CAMTA1: variants seen among roughly 807,000 people sequenced by gnomAD.
CAMTA1 encodes calmodulin-binding transcription activator 1.
CAMTA1 carries 27 observed loss-of-function variants against 170.9 expected under a neutral mutation model. The ratio of observed to expected loss-of-function variants is 0.16; its 90% CI spans 0.12 to 0.22. The LOEUF (loss-of-function observed/expected upper bound fraction) is 0.22. CAMTA1 is among the 10% of genes least tolerant of loss of function. The pLI is 1.00. For missense variants in CAMTA1, 1,619 were observed against 2,217.2 expected (o/e 0.73, Z 5.42); for synonymous variants, 833 against 891.5 (o/e 0.93, Z 1.17).
chr1:7,294,289 G>T (rs560422370), intron 5 of CAMTA1, among the ~76,000 whole-genome samples: 208 of 152,316 alleles, frequency 1.4e-3, no homozygotes, highest in African/African-American at 4.8e-3. Flanking sequence ...TCAGGACTGG[G>T]GGGCTATGGA....
chr1:7,562,697 G>A lies in CAMTA1; in HGVS notation c.511-77703G>A, dbSNP rs554455473. On this transcript the variant is annotated intron_variant, in intron 6 of 22. Transcript: ENST00000303635. This position sits in a 1 kb window ranked among gnomAD's most constrained non-coding sequence, Gnocchi z 4.8. ...GATGGTTTATCTGACCCCGCAGCTG[G>A]CACGGAGATGCTGGGAGAAGGGTCT... Among the ~76,000 whole-genome samples, 37 of 152,332 alleles carry A rather than the reference G, an allele frequency of 2.4e-4. No individual in the cohort carries two copies. The highest frequency in any genetic ancestry group is 8.9e-4 in the African/African-American group (37 of 41,578).
intron 3 of CAMTA1, among the ~76,000 whole-genome samples, chr1:6,957,483 T>A (rs1442854430): frequency 6.6e-6 from 1 of 151,802 alleles, no homozygotes; most frequent in Non-Finnish European, 1.5e-5. Context: ...TGGGAGATAA[T>A]CCGTTGCATT....
Position 6,887,232 on chromosome 1 carries a change from T to TA in CAMTA1, c.234+62029dup, listed in dbSNP as rs528818148. Among the ~76,000 whole-genome samples, 54 of 152,196 alleles carry TA rather than the reference T, an allele frequency of 3.5e-4. No individual in the cohort carries two copies. The highest frequency in any genetic ancestry group is 6.0e-4 in the Non-Finnish European group (41 of 68,028). ...TAGTTTGCTGAATATGCATAGTAAG[T>TA]AAAAAAATTCTTCCAAAATTAGTGT... On this transcript the variant is annotated intron_variant, in intron 3 of 22. Transcript: ENST00000303635. The surrounding 1 kb of genome is among the most constrained non-coding windows in gnomAD (Gnocchi z 4.1).
At chr1:6,826,833 G>A (rs2148519793) in intron 3 of CAMTA1, among the ~76,000 whole-genome samples, 1 of 152,314 alleles carries the variant, frequency 6.6e-6, no homozygotes, top group Middle Eastern at 3.4e-3. Context: ...TTATAAAGCT[G>A]GATGTAGCAG....
chr1:7,357,654 C>T (rs898133805), intron 5 of CAMTA1, among the ~76,000 whole-genome samples: 1 of 150,466 alleles, frequency 6.6e-6, no homozygotes, highest in African/African-American at 2.5e-5. Flanking sequence ...CCTGGAAAGC[C>T]ATAGAAGAGT....
chr1:7,277,315 C>T (rs1422141039), intron 5 of CAMTA1, among the ~76,000 whole-genome samples: 1 of 152,168 alleles, frequency 6.6e-6, no homozygotes, highest in Non-Finnish European at 1.5e-5. Flanking sequence ...AATTTCAATA[C>T]TTAATCTAAA....
chr1:7,418,409 G>A (rs572488175), intron 5 of CAMTA1, among the ~76,000 whole-genome samples: 3 of 152,256 alleles, frequency 2.0e-5, no homozygotes, highest in Admixed American at 1.3e-4. Flanking sequence ...ATGTTGCCCA[G>A]GCTTGTCTTG....
At chr1:6,877,126 A>C (rs1220883719) in intron 3 of CAMTA1, among the ~76,000 whole-genome samples, 3 of 152,168 alleles carry the variant, frequency 2.0e-5, no homozygotes, top group Non-Finnish European at 4.4e-5. Flanking sequence ...ATGTGACCGC[A>C]TAGCTGCTGC....
At chr1:6,924,317 A>ATCAGGCCAGCTGGGAGGGGG (rs200682529) in intron 3 of CAMTA1, among the ~76,000 whole-genome samples, 2 of 151,256 alleles carry the variant, frequency 1.3e-5, no homozygotes, top group East Asian at 2.0e-4. Flanking sequence ...CTGGGAGGGG[A>ATCAGGCCAGCTGGGAGGGGG]TCAGGCCAGC....
At chr1:7,178,313 AG>A (rs950174492) in intron 4 of CAMTA1, among the ~76,000 whole-genome samples, 2 of 152,170 alleles carry the variant, frequency 1.3e-5, no homozygotes, top group African/African-American at 4.8e-5. Context: ...GTTTGTCAAC[AG>A]TTATCCCCCG....
chr1:7,148,842 T>C (rs943617667), intron 4 of CAMTA1, among the ~76,000 whole-genome samples: 6 of 152,228 alleles, frequency 3.9e-5, no homozygotes, highest in East Asian at 1.9e-4. Context: ...TGCCTCACCA[T>C]TGGGCTGTCT....
chr1:6,966,253 C>A (rs368670485), intron 3 of CAMTA1, among the ~76,000 whole-genome samples: 1 of 152,238 alleles, frequency 6.6e-6, no homozygotes, highest in African/African-American at 2.4e-5. Flanking sequence ...TTAGTATATT[C>A]ACAAAAACGT....
At chr1:6,817,203 A>C (rs1191260889) in intron 1 of CAMTA1, among the ~76,000 whole-genome samples, 1 of 152,176 alleles carries the variant, frequency 6.6e-6, no homozygotes, top group Non-Finnish European at 1.5e-5. Context: ...CACTGAACCA[A>C]AGTGATTTTT....
chr1:7,601,565 G>A (rs1301820599), intron 6 of CAMTA1, among the ~76,000 whole-genome samples: 10 of 152,346 alleles, frequency 6.6e-5, no homozygotes, highest in East Asian at 5.8e-4. Context: ...CTGCAATCTC[G>A]GCACTTTGGG....
intron 3 of CAMTA1, among the ~76,000 whole-genome samples, chr1:6,879,826 T>C (rs1671000533): frequency 6.7e-6 from 1 of 149,728 alleles, no homozygotes; most frequent in African/African-American, 2.5e-5. Context: ...AGACGGAGTC[T>C]CTGTTGCCCA....
chr1:7,764,531 A>C (rs1368929222), intron 22 of CAMTA1, among the ~76,000 whole-genome samples: 2 of 152,244 alleles, frequency 1.3e-5, no homozygotes, highest in Non-Finnish European at 2.9e-5. Flanking sequence ...TTCTGCTTGG[A>C]AGTGGTAAAT....
At chr1:7,100,801 C>T (rs973387852) in intron 4 of CAMTA1, among the ~76,000 whole-genome samples, 2 of 152,216 alleles carry the variant, frequency 1.3e-5, no homozygotes, top group East Asian at 1.9e-4. Flanking sequence ...TTGGGGACGG[C>T]CAGGGCCATC....
chr1:7,631,609 C>T (rs780313101), intron 6 of CAMTA1, among the ~76,000 whole-genome samples: 9 of 152,200 alleles, frequency 5.9e-5, no homozygotes, highest in Non-Finnish European at 1.0e-4. Flanking sequence ...TGGAATGCCA[C>T]AGTACTATGC....
chr1:6,796,132 C>CTTTTTT (rs978363793), intron 1 of CAMTA1, among the ~76,000 whole-genome samples: 2 of 70,962 alleles, frequency 2.8e-5, no homozygotes, highest in Non-Finnish European at 5.9e-5. Context: ...AATAGCATTT[C>CTTTTTT]TTTTTTTTTT....
Sources: gnomAD v4.1 joint callset for allele counts (sites outside exome capture counted in the v4.1 genomes callset) on GRCh38, gnomAD v4.1.1 for gene constraint, Gnocchi (gnomAD v3.1) non-coding constraint, MANE v1.5 for transcripts, NCBI Gene and HGNC (gene_info 2026-07-23, HGNC 2026-07-21) for gene names.